The following FMN1 variants were observed in gnomAD, a reference collection of about 807,000 sequenced individuals.
FMN1 encodes formin-1.
In FMN1, 110 loss-of-function variants were observed where a neutral mutation model predicts 132.4. That is an observed-to-expected ratio of 0.83 (90% CI 0.71 to 0.97). FMN1 has a LOEUF of 0.97. Among genes scored for constraint, FMN1 ranks in the 50% least tolerant of loss-of-function variants. The pLI is 0.00. For missense variants in FMN1, 1,792 were observed against 1,705.3 expected (o/e 1.05, Z -0.90); for synonymous variants, 722 against 651.7 (o/e 1.11, Z -1.64).
chr15:33,020,594 C>CG (rs1186104389), intron 6 of FMN1, among the ~76,000 whole-genome samples: 1 of 150,390 alleles, frequency 6.6e-6, no homozygotes, highest in Non-Finnish European at 1.5e-5. Flanking sequence ...GTTGAGGTCA[C>CG]GCCATTGCAC....
intron 9 of FMN1, among the ~76,000 whole-genome samples, chr15:32,950,073 ATATATAT>A: frequency 9.5e-5 from 11 of 116,132 alleles, no homozygotes; most frequent in African/African-American, 1.9e-4. Flanking sequence ...ATATATATAT[ATATATAT>A]TAAAAAGCTC....
At position 33,074,948 on chromosome 15, in the gene FMN1, G is replaced by A. The variant is rs142024942; in HGVS notation, c.2044-9874C>T. 7.0e-3 allele frequency among the ~76,000 whole-genome samples: 1,042 copies of A among 149,188 alleles called. 15 individuals carry two copies. Among genetic ancestry groups the A allele is most frequent in the African/African-American group, 0.025 (1,001 of 40,638 alleles). ...AGGCAGGAGAATCGCTTGAACCTGG[G>A]AGGTGGAGGTTGCAGTGAGCCGAGA... On this transcript the variant is annotated intron_variant, in intron 5 of 20. Coordinates refer to ENST00000616417, the MANE Select transcript of FMN1 (RefSeq NM_001277313.2).
chr15:32,795,308 A>C (rs780626271), intron 19 of FMN1, among the ~76,000 whole-genome samples: 5 of 152,180 alleles, frequency 3.3e-5, no homozygotes, highest in Non-Finnish European at 5.9e-5. Context: ...TCTGGCACCT[A>C]ATCTCTCTCC....
At chr15:32,834,684 GAC>G (rs1215721404) in intron 17 of FMN1, among the ~76,000 whole-genome samples, 1 of 152,170 alleles carries the variant, frequency 6.6e-6, no homozygotes, top group African/African-American at 2.4e-5. Context: ...TTTTCCCTAA[GAC>G]AAGGCAGCAG....
intron 4 of FMN1, among the ~76,000 whole-genome samples, chr15:33,091,332 G>T (rs911435467): frequency 1.3e-5 from 2 of 152,154 alleles, no homozygotes; most frequent in African/African-American, 4.8e-5. Context: ...ACCTGCAGTG[G>T]CTATCCAATA....
intron 17 of FMN1, among the ~76,000 whole-genome samples, chr15:32,835,186 T>A (rs2058593699): frequency 6.6e-6 from 1 of 152,186 alleles, no homozygotes; most frequent in African/African-American, 2.4e-5. Flanking sequence ...CCAGCCTAGC[T>A]GGGATACGTG....
At chr15:33,031,812 G>T (rs918879443) in intron 6 of FMN1, among the ~76,000 whole-genome samples, 2 of 152,192 alleles carry the variant, frequency 1.3e-5, no homozygotes, top group Non-Finnish European at 2.9e-5. Context: ...GAAATAGGAA[G>T]TCACAGTCAT....
At chr15:32,856,693 T>C (rs935948351) in intron 17 of FMN1, among the ~76,000 whole-genome samples, 2 of 152,368 alleles carry the variant, frequency 1.3e-5, no homozygotes, top group South Asian at 2.1e-4. Context: ...CTTACATGTA[T>C]GTCATTTGTC....
chr15:32,917,723 T>C (rs1044060095), intron 10 of FMN1, among the ~76,000 whole-genome samples: 1 of 152,216 alleles, frequency 6.6e-6, no homozygotes, highest in African/African-American at 2.4e-5. Context: ...TTCATTTTCA[T>C]AGATGTCAGG....
chr15:32,879,001 T>TA (rs750262236), intron 16 of FMN1, among the ~76,000 whole-genome samples: 12 of 152,300 alleles, frequency 7.9e-5, no homozygotes, highest in Non-Finnish European at 1.8e-4. Flanking sequence ...TTCCATTAAT[T>TA]AAACGGATGA....
At chr15:33,049,180 C>CCT (rs2036853734) in intron 6 of FMN1, among the ~76,000 whole-genome samples, 1 of 152,132 alleles carries the variant, frequency 6.6e-6, no homozygotes, top group Non-Finnish European at 1.5e-5. Flanking sequence ...GTTTTGGTCA[C>CCT]ATTGTAACCT....
chr15:33,075,153 A>T (rs1317778152), intron 5 of FMN1, among the ~76,000 whole-genome samples: 1 of 151,906 alleles, frequency 6.6e-6, no homozygotes, highest in African/African-American at 2.4e-5. Context: ...CCTCACCTGG[A>T]AACTGGTAAG....
intron 4 of FMN1, among the ~76,000 whole-genome samples, chr15:33,124,631 G>C (rs1010416358): frequency 6.6e-6 from 1 of 151,944 alleles, no homozygotes; most frequent in African/African-American, 2.4e-5. Flanking sequence ...GAATGTATTT[G>C]GTATCTAATA....
intron 9 of FMN1, among the ~76,000 whole-genome samples, chr15:32,956,314 T>C (rs755217711): frequency 6.6e-6 from 1 of 151,996 alleles, no homozygotes; most frequent in African/African-American, 2.4e-5. Context: ...AGATGCAGCA[T>C]TCTGAAAGAA....
At chr15:32,878,864 C>T (rs528959499) in intron 16 of FMN1, among the ~76,000 whole-genome samples, 7 of 152,236 alleles carry the variant, frequency 4.6e-5, no homozygotes, top group Admixed American at 2.0e-4. Context: ...CTATTAACCA[C>T]GTGTTTTTAT....
chr15:33,150,315 G>C, intron 4 of FMN1: 3 of 985,430 alleles, frequency 3.0e-6, no homozygotes, highest in East Asian at 1.1e-4. Context: ...CTCCACAAAG[G>C]CTTGGGAACA....
At chr15:32,842,301 A>G (rs1007420576) in intron 17 of FMN1, among the ~76,000 whole-genome samples, 2 of 152,032 alleles carry the variant, frequency 1.3e-5, no homozygotes, top group African/African-American at 4.8e-5. Flanking sequence ...GCCAAGCCCC[A>G]CCCTCCATCC....
intron 6 of FMN1, among the ~76,000 whole-genome samples, chr15:33,041,748 C>G (rs981948347): frequency 6.6e-6 from 1 of 151,968 alleles, no homozygotes; most frequent in Non-Finnish European, 1.5e-5. Flanking sequence ...AACCCTTGTG[C>G]ATGATTGGCA....
At chr15:33,105,218 C>G (rs999879797) in intron 4 of FMN1, among the ~76,000 whole-genome samples, 5 of 152,066 alleles carry the variant, frequency 3.3e-5, no homozygotes, top group African/African-American at 1.2e-4. Context: ...GCTATGTCCC[C>G]ACTGGTCAGA....
Sources: allele counts gnomAD v4.1 joint callset (sites outside exome capture counted in the v4.1 genomes callset), GRCh38; gene constraint gnomAD v4.1.1; transcripts MANE v1.5; gene names NCBI Gene and HGNC (gene_info 2026-07-23, HGNC 2026-07-21).